GSTCD: variants seen among roughly 807,000 people sequenced by gnomAD.
GSTCD encodes the protein glutathione S-transferase C-terminal domain containing, also known as glutathione S-transferase C-terminal domain-containing protein.
GSTCD carries 44 observed loss-of-function variants against 68.3 expected under a neutral mutation model. The observed-to-expected ratio is 0.64, with a 90% CI of 0.51 to 0.83. The LOEUF (loss-of-function observed/expected upper bound fraction) is 0.83, where lower values mean the gene tolerates loss of function less well. Ranked by LOEUF, GSTCD falls within the 40% of genes least tolerant of loss-of-function variation. GSTCD has a pLI of 0.00. For missense variants in GSTCD, 739 were observed against 735.9 expected, an observed-to-expected ratio of 1.00 and a Z score of -0.05; for synonymous variants, 273 against 255.2, an observed-to-expected ratio of 1.07 and a Z score of -0.67.
At chr4:105,735,899 G>A (rs1440449025) in intron 5 of GSTCD, among the ~76,000 whole-genome samples, 4 of 151,508 alleles carry the variant, frequency 2.6e-5, no homozygotes, top group East Asian at 1.9e-4. Flanking sequence ...TAAAAATATC[G>A]ATATCTTAAA....
chr4:105,813,144 C>T (rs1446234128), intron 5 of GSTCD, among the ~76,000 whole-genome samples: 1 of 152,104 alleles, frequency 6.6e-6, no homozygotes, highest in Non-Finnish European at 1.5e-5. Context: ...TTACATTTTT[C>T]ATCTGATAAT....
chr4:105,726,682 C>G lies in GSTCD; in HGVS notation c.998C>G (p.Ser333Cys), dbSNP rs762021760. ...GTGCCAGGAGTAAAAACAGCAGCTTCTAAGTGTGGGATCCAATTTCTCCAT... is the reference window on the plus strand; with the variant it reads ...GTGCCAGGAGTAAAAACAGCAGCTTGTAAGTGTGGGATCCAATTTCTCCAT... Reference protein sequence around the residue: ...QEVPGVKTAASKCGIQFLHLP... With the variant: ...QEVPGVKTAACKCGIQFLHLP... Residue 333 changes from serine (S) to cysteine (C), a missense_variant, in exon 4 of 12, where the codon TCT (serine) becomes TGT (cysteine). Ser to Cys is a moderately radical substitution (Grantham distance 112). Transcript: ENST00000515279. The G allele has an allele frequency of 1.9e-6, 3 of 1,613,882 alleles. No homozygotes were observed. In the African/African-American group the frequency reaches 4.0e-5, roughly 22 times the overall value.
At chr4:105,841,334 A>C (rs1230701801) in intron 10 of GSTCD, among the ~76,000 whole-genome samples, 1 of 152,016 alleles carries the variant, frequency 6.6e-6, no homozygotes, top group Non-Finnish European at 1.5e-5. Flanking sequence ...AAAAAAAAAA[A>C]AGAAAGAAAA....
chr4:105,788,329 T>A (rs879377308), intron 5 of GSTCD, among the ~76,000 whole-genome samples: 3 of 102,594 alleles, frequency 2.9e-5, no homozygotes, highest in Non-Finnish European at 5.1e-5. Flanking sequence ...TTACAAATAG[T>A]TAAACCAGTT....
intron 5 of GSTCD, among the ~76,000 whole-genome samples, chr4:105,757,193 A>C (rs957100381): frequency 1.3e-5 from 2 of 152,176 alleles, no homozygotes; most frequent in African/African-American, 4.8e-5. Flanking sequence ...ATTATCTTAG[A>C]CAGGGGGAAG....
chr4:105,756,072 A>G (rs1441370017), intron 5 of GSTCD, among the ~76,000 whole-genome samples: 4 of 152,334 alleles, frequency 2.6e-5, no homozygotes, highest in Middle Eastern at 3.4e-3. Flanking sequence ...TAAAAGATGT[A>G]ATAAAGGATA....
In GSTCD at chr4:105,719,461, G is replaced by A; in HGVS notation, c.828G>A (p.Val276=). 1.9e-6 allele frequency: 3 copies of A among 1,614,056 alleles called. No homozygotes were observed. In the South Asian group the frequency reaches 3.3e-5, roughly 18 times the overall value. The change falls in exon 3 of 12, where the codon GTG becomes GTA. Residue 276 remains valine, a synonymous_variant. Transcript: ENST00000515279. ...KASDLPPLEH[V]FAEGLYFTLA... ...CCGACCTTCCACCTCTGGAGCATGT[G>A]TTTGCAGAAGGGCTTTACTTCACTC...
intron 9 of GSTCD, among the ~76,000 whole-genome samples, chr4:105,835,826 T>C (rs1209769811): frequency 1.3e-5 from 2 of 152,160 alleles, no homozygotes; most frequent in Non-Finnish European, 2.9e-5. Context: ...AGGTGCTTTA[T>C]TGAGCAACAG....
intron 5 of GSTCD, among the ~76,000 whole-genome samples, chr4:105,760,553 A>G (rs1734367112): frequency 6.6e-6 from 1 of 152,194 alleles, no homozygotes; most frequent in Admixed American, 6.6e-5. Flanking sequence ...AGATGCTGTG[A>G]AAGGCCAGAA....
chr4:105,772,714 A>G (rs766239501), intron 5 of GSTCD, among the ~76,000 whole-genome samples: 13 of 152,168 alleles, frequency 8.5e-5, no homozygotes, highest in Non-Finnish European at 1.2e-4. Context: ...AGCCAATTTG[A>G]TCATGGTGGA....
chr4:105,765,735 A>T (rs900333927), intron 5 of GSTCD, among the ~76,000 whole-genome samples: 1 of 152,178 alleles, frequency 6.6e-6, no homozygotes, highest in Non-Finnish European at 1.5e-5. Flanking sequence ...GGAGGTGATT[A>T]GATCATGGGG....
At chr4:105,734,541 G>A (rs2149216001) in intron 5 of GSTCD, among the ~76,000 whole-genome samples, 1 of 152,204 alleles carries the variant, frequency 6.6e-6, no homozygotes, top group Middle Eastern at 3.4e-3. Context: ...GCTCCATCAG[G>A]TCATTTAAGG....
chr4:105,815,957 A>G (rs1309702778), intron 5 of GSTCD, among the ~76,000 whole-genome samples: 1 of 152,174 alleles, frequency 6.6e-6, no homozygotes, highest in Non-Finnish European at 1.5e-5. Context: ...AAATGAAAAT[A>G]TATGTGTTCA....
chr4:105,771,159 CATAA>C (rs1734830446), intron 5 of GSTCD, among the ~76,000 whole-genome samples: 1 of 152,006 alleles, frequency 6.6e-6, no homozygotes, highest in African/African-American at 2.4e-5. Flanking sequence ...TTGTTGGCCA[CATAA>C]ATGTCTTCTT....
At chr4:105,717,065 GA>G (rs1732701906) in intron 1 of GSTCD, among the ~76,000 whole-genome samples, 1 of 152,122 alleles carries the variant, frequency 6.6e-6, no homozygotes, top group Admixed American at 6.5e-5. Context: ...ATGTTATGGG[GA>G]AATTTAAATA....
At chr4:105,784,258 G>A (rs1735383932) in intron 5 of GSTCD, among the ~76,000 whole-genome samples, 1 of 152,196 alleles carries the variant, frequency 6.6e-6, no homozygotes, top group Non-Finnish European at 1.5e-5. Context: ...TTTGGCTCAT[G>A]GTTTTTGAGG....
At chr4:105,761,913 T>G (rs1734426213) in intron 5 of GSTCD, 1 of 152,242 alleles carries the variant, frequency 6.6e-6, no homozygotes, top group Non-Finnish European at 1.5e-5. Context: ...TATTTGCTCA[T>G]TACTGACATC....
chr4:105,786,544 A>C (rs1288997520), intron 5 of GSTCD, among the ~76,000 whole-genome samples: 1 of 152,036 alleles, frequency 6.6e-6, no homozygotes, highest in African/African-American at 2.4e-5. Flanking sequence ...AAAAAAAAAA[A>C]AAAAGACCAC....
intron 9 of GSTCD, among the ~76,000 whole-genome samples, chr4:105,835,367 G>A (rs1447770329): frequency 1.3e-5 from 2 of 152,194 alleles, no homozygotes; most frequent in South Asian, 4.1e-4. Context: ...GAATGAGCAA[G>A]CACAGGGTCC....
Sources: allele counts gnomAD v4.1 joint callset (sites outside exome capture counted in the v4.1 genomes callset), GRCh38; gene constraint gnomAD v4.1.1; transcripts MANE v1.5; gene names NCBI Gene and HGNC (gene_info 2026-07-23, HGNC 2026-07-21).